Variants in LRRC37A2 observed in about 807,000 individuals in gnomAD.
LRRC37A2 encodes the protein leucine-rich repeat-containing protein 37A2.
Under a neutral mutation model 68.8 loss-of-function variants are expected in LRRC37A2, and 9 were observed. The ratio of observed to expected loss-of-function variants is 0.13; its 90% CI spans 0.08 to 0.23. LRRC37A2 has a LOEUF of 0.23. LRRC37A2 is among the 10% of genes least tolerant of loss of function. The pLI, the probability that LRRC37A2 is intolerant of heterozygous loss-of-function variation, is 1.00. For synonymous variants in LRRC37A2, 63 were observed against 367.6 expected, an observed-to-expected ratio of 0.17 and a Z score of 9.48; for missense variants, 168 against 950.4, an observed-to-expected ratio of 0.18 and a Z score of 10.82.
chr17:47,037,809 GGTCT>G, the LRRC37A2 span, among the ~76,000 whole-genome samples: 3 of 152,018 alleles, frequency 2.0e-5, no homozygotes, highest in Non-Finnish European at 4.4e-5. Flanking sequence ...ACTTGACATA[GGTCT>G]GTCTATTCAG....
the LRRC37A2 span, among the ~76,000 whole-genome samples, chr17:46,794,126 G>A: frequency 6.6e-6 from 1 of 152,092 alleles, no homozygotes; most frequent in South Asian, 2.1e-4. Flanking sequence ...TGGGAGGGGC[G>A]TGGGGGAGAG....
the LRRC37A2 span, among the ~76,000 whole-genome samples, chr17:46,678,499 G>A: frequency 1.3e-5 from 2 of 151,524 alleles, no homozygotes; most frequent in African/African-American, 2.4e-5. Flanking sequence ...GAGAGAGAGA[G>A]AGAGAGAGAG....
chr17:46,764,951 C>T, the LRRC37A2 span, among the ~76,000 whole-genome samples: 1 of 152,232 alleles, frequency 6.6e-6, no homozygotes, highest in Admixed American at 6.5e-5. Context: ...GGCCGAGGGC[C>T]CAGTCCCCAA....
At chr17:46,752,799 C>T in the LRRC37A2 span, among the ~76,000 whole-genome samples, 27 of 152,130 alleles carry the variant, frequency 1.8e-4, no homozygotes, top group African/African-American at 5.3e-4. Context: ...GACGGAGTCT[C>T]GCTCTGTTGC....
chr17:46,767,650 C>G, the LRRC37A2 span, among the ~76,000 whole-genome samples: 2 of 152,322 alleles, frequency 1.3e-5, no homozygotes, highest in East Asian at 1.9e-4. Flanking sequence ...TCCAGCCCCC[C>G]ATCTCCAAAT....
At chr17:46,742,643 G>A in the LRRC37A2 span, among the ~76,000 whole-genome samples, 2 of 152,208 alleles carry the variant, frequency 1.3e-5, no homozygotes, top group African/African-American at 2.4e-5. Context: ...CTGACATTCA[G>A]GCAGGTCCTT....
At chr17:46,908,214 T>TA in the LRRC37A2 span, among the ~76,000 whole-genome samples, 1 of 146,606 alleles carries the variant, frequency 6.8e-6, no homozygotes, top group Non-Finnish European at 1.5e-5. Flanking sequence ...CTGTGAGGTC[T>TA]GGCTTGTGCA....
chr17:46,751,678 G>A, the LRRC37A2 span: 4 of 938,840 alleles, frequency 4.3e-6, no homozygotes, highest in Non-Finnish European at 4.8e-6. Context: ...CACCAAGAGG[G>A]TTCAGTATTT....
At chr17:46,804,764 AAATGCACCAATCAGTGCTCTGTAAG>A in the LRRC37A2 span, among the ~76,000 whole-genome samples, 1 of 152,194 alleles carries the variant, frequency 6.6e-6, no homozygotes, top group Non-Finnish European at 1.5e-5. Context: ...GAGGTTTGTA[AAATGCACCAATCAGTGCTCTGTAAG>A]AATGCACCAA....
chr17:46,875,070 C>G, the LRRC37A2 span: 15 of 1,613,350 alleles, frequency 9.3e-6, no homozygotes, highest in Admixed American at 2.3e-4. Context: ...CCCCTTTCCT[C>G]CCTCCCTATG....
the LRRC37A2 span, among the ~76,000 whole-genome samples, chr17:46,899,210 C>A: frequency 6.6e-6 from 1 of 151,724 alleles, no homozygotes; most frequent in African/African-American, 2.4e-5. Context: ...GCCAGTGTGG[C>A]GAAAACCCTG....
At chr17:46,994,519 A>C in the LRRC37A2 span, among the ~76,000 whole-genome samples, 1 of 152,118 alleles carries the variant, frequency 6.6e-6, no homozygotes, top group Admixed American at 6.6e-5. Flanking sequence ...GGTGCTAGCT[A>C]CTTGGGTGTG....
At chr17:46,456,212 GTGT>G in the LRRC37A2 span, among the ~76,000 whole-genome samples, 6 of 26,294 alleles carry the variant, frequency 2.3e-4, no homozygotes, top group African/African-American at 1.1e-3. Flanking sequence ...CATGGGATAT[GTGT>G]GTGTGTGTGT....
At chr17:46,879,476 A>G in the LRRC37A2 span, among the ~76,000 whole-genome samples, 1 of 152,250 alleles carries the variant, frequency 6.6e-6, no homozygotes, top group African/African-American at 2.4e-5. Flanking sequence ...TGATAATGAC[A>G]ACGAGAATTC....
chr17:46,978,805 G>A, the LRRC37A2 span: 3 of 1,610,808 alleles, frequency 1.9e-6, no homozygotes, highest in Admixed American at 3.3e-5. Flanking sequence ...GGCGATCTGC[G>A]CCACCCGCGA....
At chr17:47,021,037 T>C in the LRRC37A2 span, among the ~76,000 whole-genome samples, 1 of 151,922 alleles carries the variant, frequency 6.6e-6, no homozygotes, top group African/African-American at 2.4e-5. Context: ...ACAGGTATGG[T>C]TGGAATTTAG....
chr17:46,851,403 A>C, the LRRC37A2 span, among the ~76,000 whole-genome samples: 29,480 of 139,114 alleles, frequency 0.21, 3,559 homozygotes, highest in East Asian at 0.54. The surrounding 1 kb of genome is among the most constrained non-coding windows in gnomAD (Gnocchi z 4.3). Flanking sequence ...GCAATGGGGG[A>C]GGGGCGGGGG....
the LRRC37A2 span, chr17:46,749,881 G>A: frequency 3.7e-6 from 6 of 1,614,018 alleles, no homozygotes; most frequent in South Asian, 5.5e-5. Flanking sequence ...CATTGCCACA[G>A]GAGAGCAGCT....
the LRRC37A2 span, among the ~76,000 whole-genome samples, chr17:46,774,361 C>T: frequency 6.6e-5 from 10 of 152,220 alleles, no homozygotes; most frequent in East Asian, 1.9e-4. Context: ...CGCGCGCGCG[C>T]GCACACACAC....
Sources: allele counts gnomAD v4.1 joint callset (sites outside exome capture counted in the v4.1 genomes callset), GRCh38; gene constraint gnomAD v4.1.1; non-coding constraint Gnocchi (gnomAD v3.1); transcripts MANE v1.5; gene names NCBI Gene and HGNC (gene_info 2026-07-23, HGNC 2026-07-21).